Variants in LARGE1 observed in about 807,000 individuals in gnomAD.
LARGE1 encodes the protein LARGE xylosyl- and glucuronyltransferase 1.
In LARGE1, 43 loss-of-function variants were observed where a neutral mutation model predicts 87.6. That is an observed-to-expected ratio of 0.49 (90% confidence interval 0.38 to 0.63). The LOEUF (loss-of-function observed/expected upper bound fraction) is 0.63, where lower values mean the gene tolerates loss of function less well. Among genes scored for constraint, LARGE1 ranks in the 30% least tolerant of loss-of-function variants. The pLI, the probability that LARGE1 is intolerant of heterozygous loss-of-function variation, is 0.00. For missense variants in LARGE1, 802 were observed against 1,000.2 expected (o/e 0.80, Z 2.67); for synonymous variants, 434 against 394.6 (o/e 1.10, Z -1.18).
At chr22:33,417,896 T>C (rs906185933) in intron 7 of LARGE1, among the ~76,000 whole-genome samples, 2 of 150,926 alleles carry the variant, frequency 1.3e-5, no homozygotes, top group Non-Finnish European at 2.9e-5. Flanking sequence ...CTACTTCAAG[T>C]TTCTGTGACT....
intron 6 of LARGE1, among the ~76,000 whole-genome samples, chr22:33,473,147 C>T (rs2068919339): frequency 6.6e-6 from 1 of 151,944 alleles, no homozygotes; most frequent in South Asian, 2.1e-4. Flanking sequence ...AATGATACAA[C>T]CTACACTTTT....
At chr22:33,862,574 C>T (rs2063963543) in intron 1 of LARGE1, among the ~76,000 whole-genome samples, 2 of 152,212 alleles carry the variant, frequency 1.3e-5, no homozygotes, top group African/African-American at 2.4e-5. Flanking sequence ...CCGCCAGGGC[C>T]GAATCACCAG....
At position 33,546,683 on chromosome 22, in the gene LARGE1, C is replaced by G. The variant is rs141458234; in HGVS notation, c.787+18165G>C. Among the ~76,000 whole-genome samples, 29 of 152,244 alleles carry G rather than the reference C, an allele frequency of 1.9e-4. No homozygotes were observed. The East Asian group carries it at 5.4e-3, about 28-fold the overall frequency. On this transcript the variant is annotated intron_variant, in intron 6 of 14. Coordinates refer to ENST00000397394, the MANE Select transcript of LARGE1 (RefSeq NM_133642.5). ...CACTGCAACCTATGCCTCCTGTGTT[C>G]AAGAAATTCTCAGCCTCAGCCTCCC...
At chr22:33,394,858 A>G (rs1033450715) in intron 7 of LARGE1, among the ~76,000 whole-genome samples, 2 of 152,044 alleles carry the variant, frequency 1.3e-5, no homozygotes, top group Non-Finnish European at 1.5e-5. Flanking sequence ...TAAATGTTTG[A>G]AGGACTTTGA....
chr22:33,316,987 C>T (rs1936233816), intron 10 of LARGE1, among the ~76,000 whole-genome samples: 1 of 152,030 alleles, frequency 6.6e-6, no homozygotes, highest in Non-Finnish European at 1.5e-5. Context: ...GCCAAGGTGG[C>T]TGGATCACCT....
chr22:33,257,340 C>G (rs1207782254), intron 11 of LARGE1, among the ~76,000 whole-genome samples: 1 of 152,042 alleles, frequency 6.6e-6, no homozygotes, highest in African/African-American at 2.4e-5. Context: ...TGAGACCAGA[C>G]TAGGCAACAT....
intron 6 of LARGE1, among the ~76,000 whole-genome samples, chr22:33,449,912 C>T (rs1304569568): frequency 1.3e-5 from 2 of 151,858 alleles, no homozygotes; most frequent in African/African-American, 4.8e-5. Context: ...GAGGATGAGG[C>T]TTTTGTACTT....
intron 2 of LARGE1, among the ~76,000 whole-genome samples, chr22:33,696,605 T>C (rs1466758108): frequency 6.6e-6 from 1 of 152,168 alleles, no homozygotes; most frequent in African/African-American, 2.4e-5. Flanking sequence ...ACCATTTATA[T>C]TCCCACCAGT....
chr22:33,151,918 A>C, the LARGE1 span, among the ~76,000 whole-genome samples: 1 of 147,586 alleles, frequency 6.8e-6, no homozygotes, highest in Non-Finnish European at 1.5e-5. Flanking sequence ...GTCTGATTTT[A>C]GTATTGGGCA....
chr22:33,190,793 G>C lies in LARGE1; in HGVS notation c.1731-23961C>G, dbSNP rs927854184. Among the ~76,000 whole-genome samples, 2 of 152,152 alleles carry C rather than the reference G, an allele frequency of 1.3e-5. 1 individual carries two copies. The highest frequency in any genetic ancestry group is 4.1e-4 in the South Asian group (2 of 4,828). ...CCAAAATAAGCAGAAGGTAGAAATA[G>C]TTGACTTTGAAATCATGCATTTTAT... is the stretch of plus-strand genomic sequence containing the variant. On this transcript the variant is annotated intron_variant, in intron 11 of 11. Transcript: ENST00000608642.
In LARGE1 at chr22:33,274,502, T is replaced by C. The variant is rs765092182; in HGVS notation, c.2196A>G (p.Glu732=). The change falls in exon 15 of 15, where the codon GAA becomes GAG. Residue 732 remains glutamate (E), a synonymous_variant. Coordinates refer to ENST00000397394, the MANE Select transcript of LARGE1 (RefSeq NM_133642.5). The part of the protein sequence containing the change: ...QYRICLKTLK[E]EFQQDMSRRY... ...GGCGGGACATGTCCTGCTGAAACTC[T>C]TCCTTGAGGGTTTTGAGACAGATGC... 1.2e-6 allele frequency: 2 copies of C among 1,614,176 alleles called. No individual in the cohort carries two copies. The highest frequency in any genetic ancestry group is 8.5e-7 in the Non-Finnish European group (1 of 1,180,040).
chr22:33,890,151 A>G (rs2064967157), intron 1 of LARGE1, among the ~76,000 whole-genome samples: 1 of 152,242 alleles, frequency 6.6e-6, no homozygotes, highest in African/African-American at 2.4e-5. Flanking sequence ...TTCTAGGAAC[A>G]GAGCTACTAC....
chr22:33,596,672 G>A (rs1191429577), intron 5 of LARGE1, among the ~76,000 whole-genome samples: 1 of 152,050 alleles, frequency 6.6e-6, no homozygotes, highest in Non-Finnish European at 1.5e-5. Context: ...ATTGTTGGAG[G>A]AGAAGAGGAA....
intron 2 of LARGE1, among the ~76,000 whole-genome samples, chr22:33,715,348 G>C (rs894663389): frequency 6.6e-6 from 1 of 152,120 alleles, no homozygotes; most frequent in East Asian, 1.9e-4. Context: ...ATACTTCTTA[G>C]AGGTACAACA....
intron 2 of LARGE1, among the ~76,000 whole-genome samples, chr22:33,755,563 G>C (rs954790184): frequency 6.6e-6 from 1 of 152,156 alleles, no homozygotes. Flanking sequence ...TCTGAGAAAA[G>C]GTGATTCTGA....
chr22:33,126,462 G>A, the LARGE1 span, among the ~76,000 whole-genome samples: 3 of 151,960 alleles, frequency 2.0e-5, no homozygotes, highest in Non-Finnish European at 4.4e-5. Flanking sequence ...ATTTTGTATC[G>A]TGCATTGCTA....
intron 5 of LARGE1, among the ~76,000 whole-genome samples, chr22:33,582,415 A>AT (rs1490188499): frequency 1.3e-5 from 2 of 152,320 alleles, no homozygotes. Flanking sequence ...AAAAAAAAAA[A>AT]GATGAGTTTG....
intron 1 of LARGE1, among the ~76,000 whole-genome samples, chr22:33,859,373 A>T (rs1050645907): frequency 3.3e-5 from 5 of 152,212 alleles, no homozygotes; most frequent in Admixed American, 6.5e-5. Context: ...CTAGGAAAAC[A>T]ACGGGCACCC....
At chr22:33,475,161 G>T (rs1203537386) in intron 6 of LARGE1, among the ~76,000 whole-genome samples, 1 of 152,076 alleles carries the variant, frequency 6.6e-6, no homozygotes, top group African/African-American at 2.4e-5. Context: ...CAGGAATCTT[G>T]CCTAATCCCA....
Sources: gnomAD v4.1 joint callset for allele counts (sites outside exome capture counted in the v4.1 genomes callset) on GRCh38, gnomAD v4.1.1 for gene constraint, MANE v1.5 for transcripts, NCBI Gene and HGNC (gene_info 2026-07-23, HGNC 2026-07-21) for gene names.